Variants in FARS2 observed in about 807,000 individuals in gnomAD.
FARS2 encodes the protein phenylalanine--tRNA ligase, mitochondrial.
In FARS2, 40 loss-of-function variants were observed where a neutral mutation model predicts 46.4. That is an observed-to-expected ratio of 0.86 (90% CI 0.67 to 1.12). The LOEUF (loss-of-function observed/expected upper bound fraction) is 1.12. Ranked by LOEUF, FARS2 falls within the 50% of genes most tolerant of loss-of-function variation. FARS2 has a pLI of 0.00. For missense variants in FARS2, 513 were observed against 567.9 expected, an observed-to-expected ratio of 0.90 and a Z score of 0.98; for synonymous variants, 234 against 214.9, an observed-to-expected ratio of 1.09 and a Z score of -0.78.
At chr6:5,628,647 A>G (rs1332933592) in intron 6 of FARS2, among the ~76,000 whole-genome samples, 2 of 152,182 alleles carry the variant, frequency 1.3e-5, no homozygotes, top group East Asian at 1.9e-4. Context: ...GTACCTAGGA[A>G]CCATCCCCGG....
At chr6:5,296,066 C>T (rs1394328648) in intron 1 of FARS2, among the ~76,000 whole-genome samples, 2 of 144,590 alleles carry the variant, frequency 1.4e-5, no homozygotes, top group Non-Finnish European at 3.0e-5. Context: ...TATTCTTTCT[C>T]ATTTTTTAAT....
At chr6:5,507,916 C>T (rs575372092) in intron 4 of FARS2, among the ~76,000 whole-genome samples, 5 of 152,256 alleles carry the variant, frequency 3.3e-5, no homozygotes, top group Middle Eastern at 3.4e-3. Context: ...GCTTATGCCC[C>T]GAGGTAGGAG....
intron 6 of FARS2, among the ~76,000 whole-genome samples, chr6:5,743,223 A>G (rs779304428): frequency 3.9e-5 from 6 of 152,016 alleles, no homozygotes; most frequent in African/African-American, 7.2e-5. Context: ...CACTTTTCTC[A>G]TCTCTAAAAT....
chr6:5,418,449 C>T (rs566952270), intron 3 of FARS2, among the ~76,000 whole-genome samples: 15 of 152,292 alleles, frequency 9.8e-5, no homozygotes, highest in African/African-American at 2.6e-4. Context: ...ACTACCTATG[C>T]GAGACCTGTC....
At chr6:5,586,197 C>G (rs1303982600) in intron 5 of FARS2, among the ~76,000 whole-genome samples, 2 of 152,086 alleles carry the variant, frequency 1.3e-5, no homozygotes, top group Admixed American at 6.5e-5. Context: ...TATTTGGATA[C>G]CTTTGACTTC....
intron 6 of FARS2, among the ~76,000 whole-genome samples, chr6:5,749,221 C>T (rs1467776345): frequency 3.3e-5 from 5 of 152,218 alleles, no homozygotes; most frequent in East Asian, 3.8e-4. Flanking sequence ...TCCAAGAACA[C>T]GCCAAAGGGC....
At chr6:5,402,855 C>T (rs150215751) in intron 2 of FARS2, among the ~76,000 whole-genome samples, 2 of 152,306 alleles carry the variant, frequency 1.3e-5, no homozygotes, top group South Asian at 2.1e-4. Flanking sequence ...AGGCTTTTCA[C>T]ACTTAGTGTA....
intron 1 of FARS2, among the ~76,000 whole-genome samples, chr6:5,352,146 T>G (rs894292954): frequency 1.3e-5 from 2 of 152,062 alleles, no homozygotes; most frequent in African/African-American, 4.8e-5. Context: ...TTTTTTTTTT[T>G]TAATTTTTAG....
At chr6:5,679,527 T>C (rs993884535) in intron 6 of FARS2, among the ~76,000 whole-genome samples, 3 of 152,164 alleles carry the variant, frequency 2.0e-5, no homozygotes, top group African/African-American at 7.2e-5. Flanking sequence ...CAACACTCCC[T>C]GGGTTGTTAA....
chr6:5,255,903 T>G, the FARS2 span, among the ~76,000 whole-genome samples: 2 of 152,216 alleles, frequency 1.3e-5, no homozygotes, highest in Non-Finnish European at 1.5e-5. Context: ...ATAGTATTCC[T>G]AGATAATTCA....
chr6:5,546,337 G>A (rs13219766), intron 5 of FARS2, among the ~76,000 whole-genome samples: 51,506 of 146,968 alleles, frequency 0.35, 11,295 homozygotes, highest in Non-Finnish European at 0.5. Context: ...TGCAACCTGC[G>A]CCTCCTGGGT....
At chr6:5,269,907 A>G (rs1199092751) in intron 1 of FARS2, among the ~76,000 whole-genome samples, 1 of 152,254 alleles carries the variant, frequency 6.6e-6, no homozygotes, top group Non-Finnish European at 1.5e-5. Context: ...GTTTTAATGT[A>G]AACATTTATT....
At chr6:5,294,015 G>A (rs772387004) in intron 1 of FARS2, among the ~76,000 whole-genome samples, 1 of 152,110 alleles carries the variant, frequency 6.6e-6, no homozygotes, top group African/African-American at 2.4e-5. Flanking sequence ...CACACAGCAC[G>A]AATGACCTGC....
At chr6:5,463,019 T>G (rs958739606) in intron 4 of FARS2, among the ~76,000 whole-genome samples, 1 of 152,216 alleles carries the variant, frequency 6.6e-6, no homozygotes, top group Admixed American at 6.5e-5. Context: ...GCCACAGCTA[T>G]TCAACTCGGC....
chr6:5,756,247 AT>A (rs1762199532), intron 6 of FARS2, among the ~76,000 whole-genome samples: 1 of 151,954 alleles, frequency 6.6e-6, no homozygotes, highest in South Asian at 2.1e-4. Context: ...GCGTCTGGAG[AT>A]TTTTTTCCCT....
chr6:5,667,989 C>G (rs1440563236), intron 6 of FARS2: 1 of 152,258 alleles, frequency 6.6e-6, no homozygotes. Context: ...AGCTTTTCCA[C>G]AATCTCCTGC....
At chr6:5,510,567 C>T (rs962272429) in intron 4 of FARS2, among the ~76,000 whole-genome samples, 5 of 152,240 alleles carry the variant, frequency 3.3e-5, no homozygotes, top group South Asian at 4.1e-4. Flanking sequence ...CTTTTGAGCG[C>T]GGGAGAGGGT....
At chr6:5,300,222 C>T (rs1008305748) in intron 1 of FARS2, among the ~76,000 whole-genome samples, 5 of 152,164 alleles carry the variant, frequency 3.3e-5, no homozygotes, top group African/African-American at 1.2e-4. Context: ...ACAAGAACTT[C>T]TTACCTGCTC....
chr6:5,454,734 G>A (rs1415839081), intron 4 of FARS2, among the ~76,000 whole-genome samples: 1 of 152,156 alleles, frequency 6.6e-6, no homozygotes, highest in African/African-American at 2.4e-5. Context: ...TGAGGGTAAA[G>A]GTCCAAATCT....
Sources: gnomAD v4.1 joint callset for allele counts (sites outside exome capture counted in the v4.1 genomes callset) on GRCh38, gnomAD v4.1.1 for gene constraint, MANE v1.5 for transcripts, NCBI Gene and HGNC (gene_info 2026-07-23, HGNC 2026-07-21) for gene names.